RAB7A: variants seen among roughly 807,000 people sequenced by gnomAD.
RAB7A encodes the protein RAB7A, member RAS oncogene family, also known as ras-related protein Rab-7a.
In RAB7A, 2 loss-of-function variants were observed where a neutral mutation model predicts 24.5. The ratio of observed to expected loss-of-function variants is 0.08; its 90% CI spans 0.03 to 0.26. The LOEUF (loss-of-function observed/expected upper bound fraction) is 0.26, where lower values mean the gene tolerates loss of function less well. Ranked by LOEUF, RAB7A falls within the 10% of genes least tolerant of loss-of-function variation. The pLI is 1.00. For missense variants in RAB7A, 118 were observed against 255.7 expected (o/e 0.46, Z 3.67); for synonymous variants, 100 against 95.9 (o/e 1.04, Z -0.25).
chr3:128,805,028 A>G (rs1576303076), intron 3 of RAB7A, among the ~76,000 whole-genome samples: 2 of 152,190 alleles, frequency 1.3e-5, no homozygotes, highest in African/African-American at 4.8e-5. Flanking sequence ...CTAGGAGTGC[A>G]GTCTAGGATT....
chr3:128,754,978 A>G (rs1234437621), intron 1 of RAB7A, among the ~76,000 whole-genome samples: 1 of 152,214 alleles, frequency 6.6e-6, no homozygotes, highest in African/African-American at 2.4e-5. Flanking sequence ...GTAGGGAAAT[A>G]GAATATAGTA....
chr3:128,747,366 G>C (rs13086350), intron 1 of RAB7A, among the ~76,000 whole-genome samples: 47,348 of 151,156 alleles, frequency 0.31, 10,050 homozygotes, highest in African/African-American at 0.58. Flanking sequence ...GTGGGCAGAT[G>C]ACCTAAGGTC....
At chr3:128,762,363 C>T (rs986748945) in intron 1 of RAB7A, among the ~76,000 whole-genome samples, 1 of 152,126 alleles carries the variant, frequency 6.6e-6, no homozygotes, top group African/African-American at 2.4e-5. Context: ...ACTAAGTGTT[C>T]CATTCCCGTT....
At chr3:128,776,794 C>G (rs1048465742) in intron 1 of RAB7A, among the ~76,000 whole-genome samples, 2 of 152,136 alleles carry the variant, frequency 1.3e-5, no homozygotes, top group African/African-American at 4.8e-5. Context: ...AATGGCTGTA[C>G]TGATTTACAT....
intron 1 of RAB7A, among the ~76,000 whole-genome samples, chr3:128,794,965 G>T (rs1366596891): frequency 6.6e-6 from 1 of 152,020 alleles, no homozygotes; most frequent in Non-Finnish European, 1.5e-5. Flanking sequence ...CAAATGAGGG[G>T]TTATGCTGCT....
intron 1 of RAB7A, among the ~76,000 whole-genome samples, chr3:128,739,864 G>A (rs960879063): frequency 3.3e-5 from 5 of 152,140 alleles, no homozygotes; most frequent in Admixed American, 6.5e-5. Flanking sequence ...GAGGTCAGTT[G>A]AAGACCAGCG....
At chr3:128,787,091 C>T (rs2107607480) in intron 1 of RAB7A, among the ~76,000 whole-genome samples, 1 of 152,260 alleles carries the variant, frequency 6.6e-6, no homozygotes, top group Middle Eastern at 3.4e-3. Context: ...TTTTTGTCTT[C>T]ATTCTTTCGT....
chr3:128,794,284 G>C (rs572101015), intron 1 of RAB7A, among the ~76,000 whole-genome samples: 1 of 152,248 alleles, frequency 6.6e-6, no homozygotes, highest in South Asian at 2.1e-4. Context: ...CTGTATTCTA[G>C]TTACTGTCCT....
intron 1 of RAB7A, among the ~76,000 whole-genome samples, chr3:128,743,794 T>C (rs574653003): frequency 3.9e-4 from 36 of 91,388 alleles, no homozygotes; most frequent in East Asian, 1.1e-3. Context: ...CTCTCTCTCT[T>C]TTTTTTTTTT....
At chr3:128,809,111 C>T (rs1010202921) in intron 5 of RAB7A, among the ~76,000 whole-genome samples, 7 of 152,176 alleles carry the variant, frequency 4.6e-5, no homozygotes, top group Non-Finnish European at 8.8e-5. Context: ...AAGTGTTTCC[C>T]ACCTGTTCCC....
chr3:128,744,870 CTTTTTCTTTTTTTT>C (rs1258215501), intron 1 of RAB7A, among the ~76,000 whole-genome samples: 4 of 147,264 alleles, frequency 2.7e-5, no homozygotes, highest in Non-Finnish European at 4.5e-5. Context: ...TTCTTTTTTT[CTTTTTCTTTTTTTT>C]TTTTTTTGAG....
At chr3:128,767,512 G>A (rs1024793681) in intron 1 of RAB7A, among the ~76,000 whole-genome samples, 4 of 152,204 alleles carry the variant, frequency 2.6e-5, no homozygotes, top group Non-Finnish European at 5.9e-5. Context: ...GATGCAACTA[G>A]GATTGTGGAA....
At chr3:128,779,943 T>C (rs983679003) in intron 1 of RAB7A, among the ~76,000 whole-genome samples, 1 of 152,168 alleles carries the variant, frequency 6.6e-6, no homozygotes, top group South Asian at 2.1e-4. Flanking sequence ...AGTTTGGGGC[T>C]GGGATTTCTA....
intron 1 of RAB7A, among the ~76,000 whole-genome samples, chr3:128,766,701 G>C (rs532560218): frequency 6.6e-6 from 1 of 152,038 alleles, no homozygotes; most frequent in South Asian, 2.1e-4. Context: ...GTGTGTGTTT[G>C]GTTTTTTTCT....
At chr3:128,792,942 C>T (rs1283836004) in intron 1 of RAB7A, among the ~76,000 whole-genome samples, 1 of 152,108 alleles carries the variant, frequency 6.6e-6, no homozygotes, top group Non-Finnish European at 1.5e-5. Flanking sequence ...CCTCCGCCTC[C>T]CGGGTTCAAA....
intron 1 of RAB7A, among the ~76,000 whole-genome samples, chr3:128,745,766 G>A (rs1478994565): frequency 2.6e-5 from 4 of 152,198 alleles, no homozygotes; most frequent in Admixed American, 2.0e-4. Flanking sequence ...GTGGGATGGA[G>A]GGACTCACCC....
rs572834045 is a variant in RAB7A at position 128,738,005 on chromosome 3, T to C, written c.-9+11646T>C. On this transcript the variant is annotated intron_variant, in intron 1 of 5. Coordinates refer to ENST00000265062, the MANE Select transcript of RAB7A (RefSeq NM_004637.6). ...CCTGTCTTTAGAAACCCCACTCCCC[T>C]TTTTTTTAAGGATTTGTTCTTGTTT... Among the ~76,000 whole-genome samples, 13 of 151,130 alleles carry C rather than the reference T, an allele frequency of 8.6e-5. 1 individual carries two copies. The South Asian group carries it at 1.9e-3, about 22-fold the overall frequency.
intron 2 of RAB7A, among the ~76,000 whole-genome samples, chr3:128,797,623 T>G (rs1405783996): frequency 6.6e-6 from 1 of 152,182 alleles, no homozygotes; most frequent in Non-Finnish European, 1.5e-5. Context: ...TGAAGCTTCT[T>G]TTAGAAAGCA....
intron 1 of RAB7A, among the ~76,000 whole-genome samples, chr3:128,774,167 C>G (rs1306427259): frequency 2.0e-5 from 3 of 147,740 alleles, no homozygotes; most frequent in Non-Finnish European, 4.5e-5. Context: ...TATATATTCC[C>G]CTAATATATG....
Sources: allele counts gnomAD v4.1 joint callset (sites outside exome capture counted in the v4.1 genomes callset), GRCh38; gene constraint gnomAD v4.1.1; transcripts MANE v1.5; gene names NCBI Gene and HGNC (gene_info 2026-07-23, HGNC 2026-07-21).